RPS6KC1: variants seen among roughly 807,000 people sequenced by gnomAD.
RPS6KC1 encodes inactive ribosomal protein S6 kinase delta-1.
A neutral mutation model predicts 103.8 loss-of-function variants in RPS6KC1; 54 were observed. The ratio of observed to expected loss-of-function variants is 0.52; its 90% CI spans 0.42 to 0.65. The LOEUF (loss-of-function observed/expected upper bound fraction) is 0.65, where lower values mean the gene tolerates loss of function less well. Among genes scored for constraint, RPS6KC1 ranks in the 30% least tolerant of loss-of-function variants. The pLI is 0.00. For missense variants in RPS6KC1, 1,151 were observed against 1,253.8 expected, an observed-to-expected ratio of 0.92 and a Z score of 1.24; for synonymous variants, 439 against 438.7, an observed-to-expected ratio of 1.00 and a Z score of -0.01.
At chr1:213,227,202 T>C (rs958092733) in intron 8 of RPS6KC1, among the ~76,000 whole-genome samples, 1 of 152,246 alleles carries the variant, frequency 6.6e-6, no homozygotes. Context: ...TTCATTCTTG[T>C]GTCTTTAGTT....
the RPS6KC1 span, among the ~76,000 whole-genome samples, chr1:213,651,432 T>G: frequency 1.3e-5 from 2 of 152,212 alleles, no homozygotes; most frequent in African/African-American, 2.4e-5. Context: ...TTAGGCAGCC[T>G]TGAAGGCACT....
At chr1:213,602,074 CTTTCTCTTTCTTTCTTTCTT>C in the RPS6KC1 span, among the ~76,000 whole-genome samples, 3 of 50,054 alleles carry the variant, frequency 6.0e-5, 1 homozygote, top group African/African-American at 1.0e-4. Context: ...TTCTTTCTTT[CTTTCTCTTTCTTTCTTTCTT>C]TCTTTCTTTC....
At chr1:213,817,719 A>C in the RPS6KC1 span, 3 of 152,212 alleles carry the variant, frequency 2.0e-5, no homozygotes, top group African/African-American at 7.2e-5. Flanking sequence ...TTCCTCTTCT[A>C]TAAAATGGGA....
At chr1:213,503,119 T>C in the RPS6KC1 span, among the ~76,000 whole-genome samples, 6 of 152,146 alleles carry the variant, frequency 3.9e-5, no homozygotes, top group Non-Finnish European at 2.9e-5. Context: ...CCTTTTTTTT[T>C]CTCTATGGCT....
the RPS6KC1 span, among the ~76,000 whole-genome samples, chr1:213,646,722 C>A: frequency 6.6e-6 from 1 of 152,070 alleles, no homozygotes; most frequent in South Asian, 2.1e-4. Flanking sequence ...ACCCCCTACC[C>A]CATTGCCTCC....
chr1:213,572,121 G>T, the RPS6KC1 span, among the ~76,000 whole-genome samples: 15 of 152,206 alleles, frequency 9.9e-5, no homozygotes, highest in African/African-American at 3.6e-4. Flanking sequence ...CTAGGCTGTG[G>T]AGTCCAAGCC....
At chr1:213,556,377 T>C in the RPS6KC1 span, among the ~76,000 whole-genome samples, 3 of 152,232 alleles carry the variant, frequency 2.0e-5, no homozygotes, top group Non-Finnish European at 4.4e-5. Context: ...GTAACAATAG[T>C]ACATTATTTA....
the RPS6KC1 span, among the ~76,000 whole-genome samples, chr1:213,703,871 G>T: frequency 6.6e-6 from 1 of 151,916 alleles, no homozygotes. Context: ...TCTTTCTCTA[G>T]GTTCTAGGAA....
chr1:213,076,618 T>G (rs2079362632), intron 2 of RPS6KC1, among the ~76,000 whole-genome samples: 1 of 140,040 alleles, frequency 7.1e-6, no homozygotes, highest in Non-Finnish European at 1.5e-5. Flanking sequence ...TACAAAGTGG[T>G]TTTTTTTTTT....
chr1:213,833,485 G>A, the RPS6KC1 span, among the ~76,000 whole-genome samples: 1 of 152,168 alleles, frequency 6.6e-6, no homozygotes, highest in African/African-American at 2.4e-5. Context: ...ACCCATGGAT[G>A]ATGTTCTGAG....
At chr1:213,767,809 G>A in the RPS6KC1 span, among the ~76,000 whole-genome samples, 1 of 152,196 alleles carries the variant, frequency 6.6e-6, no homozygotes, top group Non-Finnish European at 1.5e-5. Context: ...AGTGAATGAT[G>A]GTGCTGGGTC....
At chr1:213,718,407 G>C in the RPS6KC1 span, among the ~76,000 whole-genome samples, 1 of 152,188 alleles carries the variant, frequency 6.6e-6, no homozygotes, top group Non-Finnish European at 1.5e-5. Context: ...TGAGCCCTAT[G>C]AGGTTGAGTT....
At chr1:213,751,471 A>G in the RPS6KC1 span, among the ~76,000 whole-genome samples, 1 of 152,244 alleles carries the variant, frequency 6.6e-6, no homozygotes, top group Admixed American at 6.5e-5. Context: ...CTTTTGGTCC[A>G]TTCTGTCACT....
the RPS6KC1 span, among the ~76,000 whole-genome samples, chr1:213,614,911 T>A: frequency 6.6e-6 from 1 of 152,212 alleles, no homozygotes; most frequent in Non-Finnish European, 1.5e-5. Flanking sequence ...GGTCTTATGA[T>A]GTTGCCTGGG....
chr1:213,743,476 G>A, the RPS6KC1 span, among the ~76,000 whole-genome samples: 5 of 152,086 alleles, frequency 3.3e-5, no homozygotes, highest in Non-Finnish European at 7.4e-5. Context: ...TAACAAACAT[G>A]CACATGTACC....
At chr1:213,760,959 T>A in the RPS6KC1 span, among the ~76,000 whole-genome samples, 1 of 151,954 alleles carries the variant, frequency 6.6e-6, no homozygotes, top group Non-Finnish European at 1.5e-5. Flanking sequence ...GGGCTAATTT[T>A]TTTTTTAAGG....
intron 8 of RPS6KC1, among the ~76,000 whole-genome samples, chr1:213,214,069 A>T (rs2148695646): frequency 6.6e-6 from 1 of 151,968 alleles, no homozygotes; most frequent in East Asian, 1.9e-4. Flanking sequence ...GAGCCGAAGC[A>T]GGGCGAGGCA....
intron 3 of RPS6KC1, among the ~76,000 whole-genome samples, chr1:213,093,648 A>G (rs1049598351): frequency 6.6e-6 from 1 of 152,140 alleles, no homozygotes; most frequent in Non-Finnish European, 1.5e-5. Flanking sequence ...TATTTTTTGC[A>G]GTCAGATAGA....
chr1:213,740,381 A>G, the RPS6KC1 span, among the ~76,000 whole-genome samples: 1 of 152,144 alleles, frequency 6.6e-6, no homozygotes, highest in Non-Finnish European at 1.5e-5. Context: ...ATCCCAAGAA[A>G]AATATTAGCA....
Sources: gnomAD v4.1 joint callset for allele counts (sites outside exome capture counted in the v4.1 genomes callset) on GRCh38, gnomAD v4.1.1 for gene constraint, MANE v1.5 for transcripts, NCBI Gene and HGNC (gene_info 2026-07-23, HGNC 2026-07-21) for gene names.